The following KCNH2 variants were observed in gnomAD, a reference collection of about 807,000 sequenced individuals.
The protein encoded by KCNH2 is voltage-gated inwardly rectifying potassium channel KCNH2.
In KCNH2, 35 loss-of-function variants were observed where a neutral mutation model predicts 95.9. The observed-to-expected ratio is 0.37, with a 90% confidence interval of 0.28 to 0.48. KCNH2 has a LOEUF of 0.48. Ranked by LOEUF, KCNH2 falls within the 20% of genes least tolerant of loss-of-function variation. The probability of loss-of-function intolerance (pLI) is 0.99; values close to 1 mark genes in which losing one functional copy is unlikely to be tolerated. For missense variants in KCNH2, 1,274 were observed against 1,702.9 expected (o/e 0.75, Z 4.43); for synonymous variants, 786 against 754.7 (o/e 1.04, Z -0.68).
rs1250999461 is a variant in KCNH2 at position 150,958,117 on chromosome 7, G to A, written c.858C>T (p.Asp286=). 7 of 1,299,256 alleles carry A rather than the reference G, an allele frequency of 5.4e-6. No individual in the cohort carries two copies. Among genetic ancestry groups the A allele is most frequent in the African/African-American group, 3.1e-5 (2 of 64,580 alleles). 80.5% of individuals were successfully genotyped at this position (1,299,256 alleles called of 1,614,324 possible). A position where few individuals can be genotyped will look rare whatever the true frequency, so the allele number is the denominator to read the frequency against. Residue 286 remains aspartate, a synonymous_variant, in exon 4 of 15, where the codon GAC becomes GAT. Transcript: ENST00000262186. The part of the protein sequence containing the change: ...CASVRRASSA[D]DIEAMRAGVL... ...CCCCGGCGCGCATGGCCTCGATGTC[G>A]TCGGCCGACGAGGCGCGGCGCACGC... is the stretch of plus-strand genomic sequence containing the variant.
Position 150,977,937 on chromosome 7 carries a change from C to T in KCNH2, c.-24G>A. 6.4e-7 allele frequency: 1 copy of T among 1,559,760 alleles called. No individual in the cohort carries two copies. Among genetic ancestry groups the T allele is most frequent in the Non-Finnish European group, 8.7e-7 (1 of 1,152,486 alleles). Reference sequence around the variant, plus strand: ...ATCCTGAGCCCATGGGCGGGCCGGGCGGGCCCCCACCCACCCCGGCCCGGC... The same window carrying T: ...ATCCTGAGCCCATGGGCGGGCCGGGTGGGCCCCCACCCACCCCGGCCCGGC... On this transcript the variant is annotated 5_prime_UTR_variant, in exon 1 of 15. Coordinates refer to ENST00000262186, the MANE Select transcript of KCNH2 (RefSeq NM_000238.4).
At chr7:150,950,147 T>TGGGGGGG in intron 9 of KCNH2, 21 bp downstream of exon 9, 19 of 843,002 alleles carry the variant, frequency 2.3e-5, no homozygotes, top group East Asian at 1.1e-4. Flanking sequence ...TCCAGTCCAG[T>TGGGGGGG]GCCCGCCCCC....
At position 150,958,293 on chromosome 7, in the gene KCNH2, CG is replaced by C; in HGVS notation, c.681del (p.Ala228ArgfsTer132). ...AMDNHVAGLG[P>X]AEERRALVGP... ...CCCACCAGCGCACGCCGCTCCTCCG[CG>C]GGCCCGAGCCCTGCCACGTGGTTGT... On this transcript the variant is annotated frameshift_variant, in exon 4 of 15. Coordinates refer to ENST00000262186, the MANE Select transcript of KCNH2 (RefSeq NM_000238.4). LOFTEE classifies it high-confidence loss of function. 6.8e-7 allele frequency: 1 copy of C among 1,466,782 alleles called. No individual in the cohort carries two copies. The highest frequency in any genetic ancestry group is 9.0e-7 in the Non-Finnish European group (1 of 1,114,064). 90.9% of individuals were successfully genotyped at this position (1,466,782 alleles called of 1,614,324 possible).
chr7:150,958,173 C>A lies in KCNH2; in HGVS notation c.802G>T (p.Ala268Ser). The A allele has an allele frequency of 7.4e-7, 1 of 1,353,012 alleles. No homozygotes were observed. The highest frequency in any genetic ancestry group is 9.5e-7 in the Non-Finnish European group (1 of 1,054,872). The allele number at this position is 1,353,012 out of a possible 1,614,324, so 83.8% of individuals were successfully genotyped here. A position where few individuals can be genotyped will look rare whatever the true frequency, so the allele number is the denominator to read the frequency against. The change falls in exon 4 of 15, where the codon GCC (alanine) becomes TCC (serine). Residue 268 changes from alanine to serine, a missense_variant. Coordinates refer to ENST00000262186, the MANE Select transcript of KCNH2 (RefSeq NM_000238.4). ...CAGCTTTCTCGGGAGCGCGTCCGGG[C>A]CAGGCTGCAGCTGGAGCCCGAGGCG... ...PDASGSSCSL[A>S]RTRSRESCAS...
intron 2 of KCNH2, among the ~76,000 whole-genome samples, chr7:150,965,139 A>G (rs912646137): frequency 1.3e-5 from 2 of 152,076 alleles, no homozygotes; most frequent in Non-Finnish European, 2.9e-5. Flanking sequence ...TGGGAAATGC[A>G]GCAGGTTGAG....
intron 9 of KCNH2, chr7:150,949,678 G>A (rs1455016359): frequency 2.6e-6 from 3 of 1,146,416 alleles, no homozygotes; most frequent in African/African-American, 1.6e-5. Context: ...GGCAAAGGGG[G>A]AGGAAGTCCT....
In KCNH2 at chr7:150,959,702, G is replaced by T; in HGVS notation, c.342C>A (p.Pro114=). Residue 114 remains proline (P), a synonymous_variant, in exon 3 of 15, where the codon CCC becomes CCA. Coordinates refer to ENST00000262186, the MANE Select transcript of KCNH2 (RefSeq NM_000238.4). ...SCFLCLVDVV[P]VKNEDGAVIM... is the part of the protein sequence containing the mutation. ...TGACAGCCCCATCCTCGTTCTTCACGGGCACCACATCCACCAGACATAGGA... is the reference window on the plus strand; with the variant it reads ...TGACAGCCCCATCCTCGTTCTTCACTGGCACCACATCCACCAGACATAGGA... The T allele has an allele frequency of 6.2e-7, 1 of 1,614,120 alleles. No homozygotes were observed.
chr7:150,978,040 G>A lies in KCNH2; in HGVS notation c.-127C>T. The A allele has an allele frequency of 3.0e-6, 1 of 328,574 alleles. No homozygotes were observed. The highest frequency in any genetic ancestry group is 5.2e-6 in the Non-Finnish European group (1 of 192,432). The allele number at this position is 328,574 out of a possible 1,614,324, so 20.4% of individuals were successfully genotyped here. ...CCGCGGCCAAGCCGAGCACGGGCGC[G>A]GCCAAGACTGGACTGCGGGCGCCGG... On this transcript the variant is annotated 5_prime_UTR_variant, in exon 1 of 15. Coordinates refer to ENST00000262186, the MANE Select transcript of KCNH2 (RefSeq NM_000238.4).
intron 1 of KCNH2, 77 bp downstream of exon 1, chr7:150,977,761 C>T: frequency 3.2e-6 from 4 of 1,231,260 alleles, no homozygotes; most frequent in Admixed American, 2.1e-5. Flanking sequence ...GGCCCGGGCA[C>T]GCCCCCCCAT....
At chr7:150,967,828 C>T (rs1374329447) in intron 2 of KCNH2, among the ~76,000 whole-genome samples, 1 of 152,182 alleles carries the variant, frequency 6.6e-6, no homozygotes, top group African/African-American at 2.4e-5. Flanking sequence ...AAGATATTTG[C>T]AATATCTGTT....
At chr7:150,977,809 C>CCA in intron 1 of KCNH2, 29 bp downstream of exon 1, 1 of 1,248,424 alleles carries the variant, frequency 8.0e-7, no homozygotes, top group Non-Finnish European at 1.1e-6. Flanking sequence ...CCAGAGCCCC[C>CCA]TCCCCGCTCA....
chr7:150,946,860 G>A lies in KCNH2; in HGVS notation c.3330+17C>T, dbSNP rs899985020. The A allele has an allele frequency of 6.3e-7, 1 of 1,593,418 alleles. No individual in the cohort carries two copies. The highest frequency in any genetic ancestry group is 1.1e-5 in the South Asian group (1 of 89,088). On this transcript the variant is annotated intron_variant, in intron 14 of 14. Coordinates refer to ENST00000262186, the MANE Select transcript of KCNH2 (RefSeq NM_000238.4). The surrounding 1 kb of genome is among the most constrained non-coding windows in gnomAD (Gnocchi z 6.5). ...AAGCGGGTCACGGTACATCGAGGAA[G>A]CAGGGCTGGAGCTTACCTGAGAAAG...
At chr7:150,959,837 C>G in intron 2 of KCNH2, 101 bp from the exon 3 acceptor site, 2 of 1,325,286 alleles carry the variant, frequency 1.5e-6, no homozygotes, top group Non-Finnish European at 2.1e-6. Flanking sequence ...CCGTCCACTT[C>G]TGCCTCCCCG....
chr7:150,970,316 A>G (rs1035028760), intron 2 of KCNH2, among the ~76,000 whole-genome samples: 6 of 149,164 alleles, frequency 4.0e-5, no homozygotes, highest in Admixed American at 3.4e-4. Context: ...CCCTCCCCAG[A>G]GCCCAAGGCC....
chr7:150,975,010 A>T (rs1162824987), intron 1 of KCNH2, 69 bp from the exon 2 acceptor site: 1 of 1,366,632 alleles, frequency 7.3e-7, no homozygotes, highest in African/African-American at 1.4e-5. Context: ...GCCCTTCCCC[A>T]CATTCTCCAC....
Position 150,969,945 on chromosome 7 carries a change from T to G in KCNH2, c.307+4766A>C, listed in dbSNP as rs142314589. Among the ~76,000 whole-genome samples, 1,192 of 152,118 alleles carry G rather than the reference T, an allele frequency of 7.8e-3. 9 individuals are homozygous for G. The highest frequency in any genetic ancestry group is 0.027 in the African/African-American group (1,123 of 41,480). ...GGGGACTTTAGGGGAGCACCCCACATTCATCACCTGTCCCAGCACCCCTCC... is the reference window on the plus strand; with the variant it reads ...GGGGACTTTAGGGGAGCACCCCACAGTCATCACCTGTCCCAGCACCCCTCC... On this transcript the variant is annotated intron_variant, in intron 2 of 14. Transcript: ENST00000262186.
intron 2 of KCNH2, among the ~76,000 whole-genome samples, chr7:150,965,998 T>C (rs572239547): frequency 6.6e-6 from 1 of 152,344 alleles, no homozygotes; most frequent in Admixed American, 6.5e-5. Flanking sequence ...TGCCTTTTGA[T>C]GAAGCAAAAT....
At chr7:150,958,573 G>T in intron 3 of KCNH2, 71 bp from the exon 4 acceptor site, 1 of 1,311,444 alleles carries the variant, frequency 7.6e-7, no homozygotes, top group Non-Finnish European at 1.0e-6. Context: ...CCTGGGAAAT[G>T]GACCCCCAGC....
Position 150,950,227 on chromosome 7 carries a change from T to C in KCNH2, c.2339A>G (p.Tyr780Cys). The change falls in exon 9 of 15, where the codon TAC (tyrosine) becomes TGC (cysteine). Residue 780 changes from tyrosine (Y) to cysteine (C), a missense_variant. By Grantham distance (194) the Tyr-to-Cys change is radical. Transcript: ENST00000262186. ...CTCGATGGAGCCCCGGGAGATGAAG[T>C]ACAGGGCGGTGAGCAGGTCCCCAGC... ...VHAGDLLTAL[Y>C]FISRGSIEIL... is the part of the protein sequence containing the mutation. 1 of 1,586,352 alleles carries C rather than the reference T, an allele frequency of 6.3e-7. No homozygotes were observed. The highest frequency in any genetic ancestry group is 8.6e-7 in the Non-Finnish European group (1 of 1,163,948).
Sources: gnomAD v4.1 joint callset for allele counts (sites outside exome capture counted in the v4.1 genomes callset) on GRCh38, gnomAD v4.1.1 for gene constraint, Gnocchi (gnomAD v3.1) non-coding constraint, MANE v1.5 for transcripts, NCBI Gene and HGNC (gene_info 2026-07-23, HGNC 2026-07-21) for gene names.